The following SHISA9 variants were observed in gnomAD, a reference collection of about 807,000 sequenced individuals.
SHISA9 encodes the protein shisa family member 9, also known as protein shisa-9.
A neutral mutation model predicts 38.0 loss-of-function variants in SHISA9; 13 were observed. The ratio of observed to expected loss-of-function variants is 0.34; its 90% CI spans 0.22 to 0.54. The LOEUF is 0.54. Ranked by LOEUF, SHISA9 falls within the 20% of genes least tolerant of loss-of-function variation. The pLI is 0.91. For missense variants in SHISA9, 538 were observed against 575.8 expected (o/e 0.93, Z 0.67); for synonymous variants, 275 against 242.0 (o/e 1.14, Z -1.27).
intron 2 of SHISA9, among the ~76,000 whole-genome samples, chr16:12,993,276 A>T (rs1033767050): frequency 1.3e-5 from 2 of 152,184 alleles, no homozygotes; most frequent in African/African-American, 2.4e-5. Flanking sequence ...GGCCATGACA[A>T]GTTTTGTTTC....
intron 3 of SHISA9, among the ~76,000 whole-genome samples, chr16:13,208,697 C>A (rs1401378751): frequency 1.3e-5 from 2 of 152,126 alleles, no homozygotes; most frequent in Non-Finnish European, 2.9e-5. Flanking sequence ...CCGTATAGGA[C>A]TTTGTACCAG....
intron 2 of SHISA9, among the ~76,000 whole-genome samples, chr16:13,034,310 C>G (rs958584470): frequency 6.6e-6 from 1 of 152,134 alleles, no homozygotes; most frequent in African/African-American, 2.4e-5. Flanking sequence ...CCATTAGCAT[C>G]TCCTTGGGAA....
intron 2 of SHISA9, among the ~76,000 whole-genome samples, chr16:12,986,196 G>A (rs529767993): frequency 1.3e-5 from 2 of 152,198 alleles, no homozygotes; most frequent in East Asian, 1.9e-4. Flanking sequence ...GAAGATAGCC[G>A]GTATGTACAA....
chr16:13,440,018 G>A, the SHISA9 span, among the ~76,000 whole-genome samples: 4 of 152,340 alleles, frequency 2.6e-5, no homozygotes, highest in Non-Finnish European at 2.9e-5. Context: ...CGCCTCAAGA[G>A]GACGTGCGTT....
At chr16:13,520,736 G>A in the SHISA9 span, among the ~76,000 whole-genome samples, 1 of 151,774 alleles carries the variant, frequency 6.6e-6, no homozygotes, top group Non-Finnish European at 1.5e-5. Flanking sequence ...AGGGGAAGGG[G>A]TCTGCGTCCT....
the SHISA9 span, chr16:13,458,428 GA>G: frequency 2.5e-6 from 1 of 392,312 alleles, no homozygotes; most frequent in Non-Finnish European, 5.0e-6. Flanking sequence ...AAGCATTACT[GA>G]AAACCTTCAG....
rs1195271596 is a variant in SHISA9, at chr16:13,235,196, G to C, written c.1062G>C (p.Lys354Asn). ...KQNGQKSRTN[K>N]MPPHPLAYTS... ...ATGGACAGAAGTCCCGCACCAACAAGATGCCCCCACATCCCCTGGCCTACA... is the reference window on the plus strand; with the variant it reads ...ATGGACAGAAGTCCCGCACCAACAACATGCCCCCACATCCCCTGGCCTACA... The change falls in exon 5 of 5, where the codon AAG (lysine) becomes AAC (asparagine). Residue 354 changes from lysine (K) to asparagine (N), a missense_variant. This residue lies in a region of SHISA9 where 326 missense variants were observed against 305.9 expected (regional missense o/e 1.07). Coordinates refer to ENST00000558583, the MANE Select transcript of SHISA9 (RefSeq NM_001145204.3). 6.4e-7 allele frequency: 1 copy of C among 1,551,662 alleles called. No individual in the cohort carries two copies. Among genetic ancestry groups the C allele is most frequent in the Admixed American group, 2.0e-5 (1 of 50,984 alleles).
At chr16:13,193,121 C>T (rs1363144594) in intron 2 of SHISA9, among the ~76,000 whole-genome samples, 2 of 152,126 alleles carry the variant, frequency 1.3e-5, no homozygotes, top group Non-Finnish European at 2.9e-5. Flanking sequence ...TGCTGAACTT[C>T]CAGGCTCTTC....
chr16:13,224,564 C>T (rs1264733084), intron 4 of SHISA9, among the ~76,000 whole-genome samples: 8 of 152,210 alleles, frequency 5.3e-5, no homozygotes, highest in Non-Finnish European at 8.8e-5. Context: ...TGCACGCCTG[C>T]TGTATACCAG....
the SHISA9 span, among the ~76,000 whole-genome samples, chr16:13,432,219 C>T: frequency 6.6e-6 from 1 of 152,236 alleles, no homozygotes; most frequent in African/African-American, 2.4e-5. Context: ...CCTCATTCCT[C>T]TTATCTGTAC....
At chr16:13,044,883 C>G (rs2073169527) in intron 2 of SHISA9, among the ~76,000 whole-genome samples, 1 of 152,158 alleles carries the variant, frequency 6.6e-6, no homozygotes, top group African/African-American at 2.4e-5. Flanking sequence ...CATAAAAAGT[C>G]AAATAAAAAC....
chr16:13,147,495 G>T (rs576800125), intron 2 of SHISA9, among the ~76,000 whole-genome samples: 7 of 111,514 alleles, frequency 6.3e-5, no homozygotes, highest in East Asian at 5.6e-4. Flanking sequence ...TTCCAGTCTC[G>T]CTCTGTCACC....
At chr16:13,305,690 A>T in the SHISA9 span, among the ~76,000 whole-genome samples, 37 of 152,288 alleles carry the variant, frequency 2.4e-4, no homozygotes, top group African/African-American at 8.7e-4. Context: ...GAATCTTGAG[A>T]TGAAGACCGC....
the SHISA9 span, among the ~76,000 whole-genome samples, chr16:13,497,302 T>C: frequency 6.6e-6 from 1 of 152,222 alleles, no homozygotes; most frequent in Admixed American, 6.6e-5. Flanking sequence ...ATGTTTACAA[T>C]GTGGAATGAT....
At chr16:13,373,452 C>T in the SHISA9 span, among the ~76,000 whole-genome samples, 1 of 152,188 alleles carries the variant, frequency 6.6e-6, no homozygotes, top group Non-Finnish European at 1.5e-5. Context: ...TGAGCCTTGG[C>T]TCGCTCATCC....
At chr16:13,166,118 G>C (rs1211500853) in intron 2 of SHISA9, among the ~76,000 whole-genome samples, 5 of 152,166 alleles carry the variant, frequency 3.3e-5, no homozygotes, top group Admixed American at 3.3e-4. Flanking sequence ...ATCAATGTCT[G>C]TTTTATTAAC....
At chr16:13,354,449 GA>G in the SHISA9 span, among the ~76,000 whole-genome samples, 9 of 151,514 alleles carry the variant, frequency 5.9e-5, no homozygotes, top group African/African-American at 2.2e-4. Flanking sequence ...AATAATGTGG[GA>G]TTGAAGTCTG....
the SHISA9 span, among the ~76,000 whole-genome samples, chr16:13,471,926 T>C: frequency 1.3e-5 from 2 of 152,182 alleles, no homozygotes; most frequent in Non-Finnish European, 2.9e-5. Flanking sequence ...CTTCTTAGTG[T>C]AACTCACAGA....
chr16:12,974,588 C>T (rs56903060), intron 2 of SHISA9, among the ~76,000 whole-genome samples: 23,842 of 145,960 alleles, frequency 0.16, 2,062 homozygotes, highest in East Asian at 0.31. Flanking sequence ...CAGGTTCAAG[C>T]GATTCTCCTG....
Sources: gnomAD v4.1 joint callset for allele counts (sites outside exome capture counted in the v4.1 genomes callset) on GRCh38, gnomAD v4.1.1 for gene constraint, gnomAD v4.1.1 regional missense constraint, MANE v1.5 for transcripts, NCBI Gene and HGNC (gene_info 2026-07-23, HGNC 2026-07-21) for gene names.